Variants in PDE11A observed in about 807,000 individuals in gnomAD.
PDE11A encodes the protein phosphodiesterase 11A.
A neutral mutation model predicts 100.5 loss-of-function variants in PDE11A; 100 were observed. That is an observed-to-expected ratio of 1.00 (90% CI 0.85 to 1.18). PDE11A has a LOEUF of 1.18. Ranked by LOEUF, PDE11A falls within the 50% of genes most tolerant of loss-of-function variation. The pLI, the probability that PDE11A is intolerant of heterozygous loss-of-function variation, is 0.00. For synonymous variants in PDE11A, 381 were observed against 420.8 expected, an observed-to-expected ratio of 0.91 and a Z score of 1.16; for missense variants, 1,141 against 1,152.6, an observed-to-expected ratio of 0.99 and a Z score of 0.15.
intron 10 of PDE11A, 80 bp downstream of exon 10, chr2:177,769,243 C>G: frequency 1.2e-6 from 1 of 834,150 alleles, no homozygotes; most frequent in Non-Finnish European, 2.1e-6. Flanking sequence ...GATTAATTCT[C>G]TAGAGGCATG....
chr2:177,650,900 T>TA (rs1034346554), intron 19 of PDE11A, among the ~76,000 whole-genome samples: 7 of 152,202 alleles, frequency 4.6e-5, no homozygotes, highest in Admixed American at 2.6e-4. Context: ...GGTGACCCAA[T>TA]AAATGATCTG....
At chr2:178,006,956 T>C (rs951286295) in intron 2 of PDE11A, among the ~76,000 whole-genome samples, 1 of 152,194 alleles carries the variant, frequency 6.6e-6, no homozygotes, top group Non-Finnish European at 1.5e-5. Context: ...GGCAGCATTT[T>C]AGAAGAGTGA....
rs143212397 is a variant in PDE11A at position 177,853,855 on chromosome 2, T to G, written c.1368-13472A>C. On this transcript the variant is annotated intron_variant, in intron 5 of 19. Coordinates refer to ENST00000286063, the MANE Select transcript of PDE11A (RefSeq NM_016953.4). Reference sequence around the variant, plus strand: ...GTATATATATCTATATATGTGTATATATATCTATATATGTATATAGATATC... The same window carrying G: ...GTATATATATCTATATATGTGTATAGATATCTATATATGTATATAGATATC... Among the ~76,000 whole-genome samples, 821 of 145,016 alleles carry G rather than the reference T, an allele frequency of 5.7e-3. 7 individuals are homozygous for G. The highest frequency in any genetic ancestry group is 9.5e-3 in the Non-Finnish European group (636 of 66,608).
chr2:177,630,822 T>C (rs1005511428), intron 19 of PDE11A, among the ~76,000 whole-genome samples: 2 of 152,168 alleles, frequency 1.3e-5, no homozygotes, highest in Non-Finnish European at 2.9e-5. Flanking sequence ...GTAAAACATA[T>C]GTAACAAAGG....
At chr2:178,075,174 G>A (rs1358937881), upstream of PDE11A, among the ~76,000 whole-genome samples, 1 of 152,154 alleles carries the variant, frequency 6.6e-6, no homozygotes, top group Non-Finnish European at 1.5e-5. Flanking sequence ...ATGAGGGGAA[G>A]AGGAGGAAAA....
At chr2:178,033,712 C>G (rs1322643387) in intron 1 of PDE11A, among the ~76,000 whole-genome samples, 1 of 152,158 alleles carries the variant, frequency 6.6e-6, no homozygotes, top group African/African-American at 2.4e-5. Flanking sequence ...TCTGCAGAAA[C>G]CCTACAAGCC....
chr2:177,835,946 G>A (rs116794953), intron 6 of PDE11A, among the ~76,000 whole-genome samples: 1,743 of 152,296 alleles, frequency 0.011, 31 homozygotes, highest in African/African-American at 0.04. Context: ...TGCCATGCCT[G>A]AGCCTCCCCA....
intron 5 of PDE11A, among the ~76,000 whole-genome samples, chr2:177,873,140 TA>T (rs2084169036): frequency 1.3e-5 from 2 of 152,042 alleles, no homozygotes; most frequent in South Asian, 4.1e-4. Context: ...TTAAAAATAA[TA>T]AAAAAACAGA....
chr2:177,969,825 T>C (rs1300353952), intron 2 of PDE11A, among the ~76,000 whole-genome samples: 8 of 152,224 alleles, frequency 5.3e-5, no homozygotes, highest in Non-Finnish European at 1.2e-4. Context: ...TCTAAAGATT[T>C]TATTTCCAAG....
chr2:177,647,376 G>A (rs905137967), intron 19 of PDE11A, among the ~76,000 whole-genome samples: 4 of 152,108 alleles, frequency 2.6e-5, no homozygotes, highest in Admixed American at 2.0e-4. Context: ...ATACAGAATT[G>A]CCAATATCTG....
intron 2 of PDE11A, among the ~76,000 whole-genome samples, chr2:177,996,231 T>A (rs79732135): frequency 5.4e-5 from 8 of 147,064 alleles, no homozygotes; most frequent in African/African-American, 1.5e-4. Flanking sequence ...CCGTCTCAAA[T>A]AAAAAAAAAA....
intron 2 of PDE11A, among the ~76,000 whole-genome samples, chr2:177,922,126 C>T (rs2105755020): frequency 6.6e-6 from 1 of 152,218 alleles, no homozygotes; most frequent in African/African-American, 2.4e-5. Context: ...TCCTATCTCA[C>T]TCTCCTCTCT....
At chr2:177,998,086 GGA>G in intron 2 of PDE11A, 3 of 1,305,148 alleles carry the variant, frequency 2.3e-6, no homozygotes, top group Non-Finnish European at 3.3e-6. Flanking sequence ...AGGATCTGAG[GGA>G]TTGAAGGTCT....
At chr2:177,735,982 T>C (rs2081773723) in intron 10 of PDE11A, among the ~76,000 whole-genome samples, 1 of 152,132 alleles carries the variant, frequency 6.6e-6, no homozygotes, top group South Asian at 2.1e-4. Context: ...GGGAAAGCAA[T>C]TGTCAGTGTT....
At chr2:177,731,540 C>T (rs538354323) in intron 10 of PDE11A, among the ~76,000 whole-genome samples, 35 of 152,294 alleles carry the variant, frequency 2.3e-4, no homozygotes, top group South Asian at 4.1e-4. Flanking sequence ...TTTCACCCTG[C>T]ACGCCCACCC....
chr2:177,933,453 G>A (rs2085234236), intron 2 of PDE11A, among the ~76,000 whole-genome samples: 1 of 152,120 alleles, frequency 6.6e-6, no homozygotes, highest in African/African-American at 2.4e-5. Context: ...GGCCGAGGTG[G>A]GTGGATCACC....
chr2:177,878,223 T>C (rs1217334507), intron 4 of PDE11A, among the ~76,000 whole-genome samples: 2 of 152,226 alleles, frequency 1.3e-5, no homozygotes, highest in East Asian at 3.9e-4. Flanking sequence ...TCACTCATTG[T>C]GGCAAATTTT....
intron 1 of PDE11A, among the ~76,000 whole-genome samples, chr2:178,026,148 C>T (rs1194092843): frequency 6.6e-6 from 1 of 152,158 alleles, no homozygotes; most frequent in Non-Finnish European, 1.5e-5. Context: ...TGGAATTCTT[C>T]CCACTGAAGA....
intron 2 of PDE11A, among the ~76,000 whole-genome samples, chr2:178,103,358 G>A (rs1012906890): frequency 1.3e-4 from 20 of 152,118 alleles, no homozygotes; most frequent in African/African-American, 4.8e-4. Flanking sequence ...CCAGGGAATA[G>A]GGTTAAGGGG....
Sources: gnomAD v4.1 joint callset for allele counts (sites outside exome capture counted in the v4.1 genomes callset) on GRCh38, gnomAD v4.1.1 for gene constraint, MANE v1.5 for transcripts, NCBI Gene and HGNC (gene_info 2026-07-23, HGNC 2026-07-21) for gene names.